The following SCAPER variants were observed in gnomAD, a reference collection of about 807,000 sequenced individuals.
The protein encoded by SCAPER is S-phase cyclin A associated protein in the ER, also known as S phase cyclin A-associated protein in the endoplasmic reticulum.
SCAPER carries 98 observed loss-of-function variants against 182.2 expected under a neutral mutation model. That is an observed-to-expected ratio of 0.54 (90% CI 0.46 to 0.64). The LOEUF (loss-of-function observed/expected upper bound fraction) is 0.64. Ranked by LOEUF, SCAPER falls within the 30% of genes least tolerant of loss-of-function variation. SCAPER has a pLI of 0.00. For missense variants in SCAPER, 1,432 were observed against 1,690.0 expected, an observed-to-expected ratio of 0.85 and a Z score of 2.68; for synonymous variants, 605 against 564.6, an observed-to-expected ratio of 1.07 and a Z score of -1.01.
intron 7 of SCAPER, among the ~76,000 whole-genome samples, chr15:76,798,761 A>G (rs2065525447): frequency 6.6e-6 from 1 of 152,220 alleles, no homozygotes; most frequent in Non-Finnish European, 1.5e-5. Flanking sequence ...AAAGTGCTGA[A>G]AGAAAGGATT....
chr15:76,797,428 C>T (rs950489650), intron 7 of SCAPER: 2 of 152,174 alleles, frequency 1.3e-5, no homozygotes, highest in African/African-American at 4.8e-5. Flanking sequence ...AATGAGACAT[C>T]CATGGGAGGC....
At chr15:76,473,653 A>T (rs1318672485) in intron 24 of SCAPER, among the ~76,000 whole-genome samples, 3 of 152,166 alleles carry the variant, frequency 2.0e-5, no homozygotes, top group African/African-American at 7.2e-5. Context: ...TCAAGCTCTA[A>T]CCCAGACCTA....
At chr15:76,846,201 A>T (rs2070065167) in intron 4 of SCAPER, among the ~76,000 whole-genome samples, 1 of 152,176 alleles carries the variant, frequency 6.6e-6, no homozygotes, top group Non-Finnish European at 1.5e-5. Context: ...ATCAAAATGG[A>T]TCAATGACTT....
chr15:76,555,168 C>A (rs2046101634), intron 23 of SCAPER, among the ~76,000 whole-genome samples: 1 of 152,102 alleles, frequency 6.6e-6, no homozygotes, highest in Admixed American at 6.6e-5. Context: ...AAATAACATC[C>A]TTTTCATATA....
intron 25 of SCAPER, among the ~76,000 whole-genome samples, chr15:76,448,068 C>T (rs2048121159): frequency 6.6e-6 from 1 of 152,074 alleles, no homozygotes; most frequent in African/African-American, 2.4e-5. Flanking sequence ...CTGCAGGTTG[C>T]TGGAGATAGT....
At chr15:76,848,864 T>A (rs1046352347) in intron 4 of SCAPER, among the ~76,000 whole-genome samples, 1 of 151,810 alleles carries the variant, frequency 6.6e-6, no homozygotes, top group Non-Finnish European at 1.5e-5. Context: ...CCCCTACTCT[T>A]CACTAGGCAG....
chr15:76,878,148 G>C (rs2073301282), intron 2 of SCAPER, among the ~76,000 whole-genome samples: 1 of 151,554 alleles, frequency 6.6e-6, no homozygotes, highest in Non-Finnish European at 1.5e-5. Flanking sequence ...AAAACTAATG[G>C]GGCAAAATTA....
At chr15:76,677,462 A>C (rs2057432691) in intron 20 of SCAPER, among the ~76,000 whole-genome samples, 1 of 151,942 alleles carries the variant, frequency 6.6e-6, no homozygotes, top group Admixed American at 6.6e-5. Context: ...CTAATTAGTA[A>C]AATTAAGGGA....
At chr15:76,811,198 A>C (rs1275294514) in intron 5 of SCAPER, among the ~76,000 whole-genome samples, 1 of 152,022 alleles carries the variant, frequency 6.6e-6, no homozygotes, top group African/African-American at 2.4e-5. Context: ...GAAAATACAC[A>C]TTTTTCTCAA....
intron 22 of SCAPER, among the ~76,000 whole-genome samples, chr15:76,613,646 CAT>C (rs994532315): frequency 2.6e-5 from 4 of 152,070 alleles, no homozygotes; most frequent in African/African-American, 9.7e-5. Context: ...GGCCAAAAAT[CAT>C]ATGAAAAAAA....
intron 14 of SCAPER, among the ~76,000 whole-genome samples, chr15:76,757,986 A>T (rs2151223189): frequency 6.6e-6 from 1 of 152,272 alleles, no homozygotes; most frequent in South Asian, 2.1e-4. Flanking sequence ...GAGTACTTCA[A>T]ATATTTTAGA....
In SCAPER at chr15:76,793,533, A is replaced by G. The variant is rs183440385; in HGVS notation, c.772+1747T>C. ...ATCATGCCTAGATAATGAAGTTTCTATAAAAACCTTTTTTAAAAACAGGGT... is the reference window on the plus strand; with the variant it reads ...ATCATGCCTAGATAATGAAGTTTCTGTAAAAACCTTTTTTAAAAACAGGGT... On this transcript the variant is annotated intron_variant, in intron 8 of 31. Coordinates refer to ENST00000563290, the MANE Select transcript of SCAPER (RefSeq NM_020843.4). 69 of 381,750 alleles carry G rather than the reference A, an allele frequency of 1.8e-4. 1 individual carries two copies. The highest frequency in any genetic ancestry group is 2.7e-4 in the Non-Finnish European group (59 of 215,170). The allele number at this position is 381,750 out of a possible 1,614,324, so 23.6% of individuals were successfully genotyped here.
At chr15:76,430,925 G>C (rs907444370) in intron 26 of SCAPER, among the ~76,000 whole-genome samples, 1 of 152,122 alleles carries the variant, frequency 6.6e-6, no homozygotes, top group Non-Finnish European at 1.5e-5. Flanking sequence ...GGAGGGACCC[G>C]GTGGGAGGTA....
Position 76,632,768 on chromosome 15 carries a change from C to CTTTTT in SCAPER, c.2646-10944_2646-10940dup, listed in dbSNP as rs1188058843. On this transcript the variant is annotated intron_variant, in intron 21 of 31. Coordinates refer to ENST00000563290, the MANE Select transcript of SCAPER (RefSeq NM_020843.4). Reference sequence around the variant, plus strand: ...TTCCTTTGATCTCTGAGGCTGCTGACTTTTTTTTTTTTTTTTTTTTTTGAG... The same window carrying CTTTTT: ...TTCCTTTGATCTCTGAGGCTGCTGACTTTTTTTTTTTTTTTTTTTTTTTTTTTGAG... 9.6e-5 allele frequency among the ~76,000 whole-genome samples: 10 copies of CTTTTT among 104,524 alleles called. 1 individual carries two copies. The highest frequency in any genetic ancestry group is 2.7e-4 in the East Asian group (1 of 3,762). The allele number at this position is 104,524 out of a possible 152,430, so 68.6% of individuals were successfully genotyped here.
intron 21 of SCAPER, among the ~76,000 whole-genome samples, chr15:76,646,983 A>G (rs1386279256): frequency 6.6e-6 from 1 of 152,164 alleles, no homozygotes; most frequent in Admixed American, 6.5e-5. Flanking sequence ...CTGAATTCCA[A>G]TTTATGATAG....
At chr15:76,408,319 T>C (rs2045017030) in intron 26 of SCAPER, among the ~76,000 whole-genome samples, 1 of 152,204 alleles carries the variant, frequency 6.6e-6, no homozygotes, top group African/African-American at 2.4e-5. Context: ...GAACTATTTA[T>C]TTCCTGTAAA....
chr15:76,710,821 C>T (rs2059523896), intron 17 of SCAPER, among the ~76,000 whole-genome samples: 1 of 152,020 alleles, frequency 6.6e-6, no homozygotes. Flanking sequence ...AGTATTTATA[C>T]TAATTTCAAA....
intron 24 of SCAPER, among the ~76,000 whole-genome samples, chr15:76,503,455 C>A (rs757796795): frequency 6.6e-6 from 1 of 152,102 alleles, no homozygotes; most frequent in Non-Finnish European, 1.5e-5. Context: ...GAAAGGAATC[C>A]AAATTATCTT....
intron 26 of SCAPER, among the ~76,000 whole-genome samples, chr15:76,424,687 T>C (rs1214318986): frequency 1.3e-5 from 2 of 152,240 alleles, no homozygotes; most frequent in Non-Finnish European, 2.9e-5. Flanking sequence ...TTTTGCTCGT[T>C]AGTTGATGTA....
Sources: allele counts gnomAD v4.1 joint callset (sites outside exome capture counted in the v4.1 genomes callset), GRCh38; gene constraint gnomAD v4.1.1; transcripts MANE v1.5; gene names NCBI Gene and HGNC (gene_info 2026-07-23, HGNC 2026-07-21).